DPP6: variants seen among roughly 807,000 people sequenced by gnomAD.
DPP6 encodes the protein A-type potassium channel modulatory protein DPP6.
A neutral mutation model predicts 122.6 loss-of-function variants in DPP6; 69 were observed. The observed-to-expected ratio is 0.56, with a 90% CI of 0.46 to 0.69. DPP6 has a LOEUF of 0.69. Ranked by LOEUF, DPP6 falls within the 30% of genes least tolerant of loss-of-function variation. The probability of loss-of-function intolerance (pLI) is 0.00; values close to 1 mark genes in which losing one functional copy is unlikely to be tolerated. For missense variants in DPP6, 928 were observed against 1,116.9 expected, an observed-to-expected ratio of 0.83 and a Z score of 2.41; for synonymous variants, 418 against 433.1, an observed-to-expected ratio of 0.97 and a Z score of 0.43.
At chr7:154,668,484 G>A (rs970971488) in intron 6 of DPP6, among the ~76,000 whole-genome samples, 2 of 151,804 alleles carry the variant, frequency 1.3e-5, no homozygotes, top group Non-Finnish European at 2.9e-5. Context: ...CTCCCAAAGT[G>A]CTGGGATTAC....
chr7:153,950,108 G>A (rs1201973611), intron 1 of DPP6, among the ~76,000 whole-genome samples: 1 of 152,196 alleles, frequency 6.6e-6, no homozygotes, highest in Non-Finnish European at 1.5e-5. Context: ...GGGATCATTA[G>A]GCTCAGCCTC....
At chr7:154,201,665 T>A (rs1799180435) in intron 1 of DPP6, among the ~76,000 whole-genome samples, 1 of 152,200 alleles carries the variant, frequency 6.6e-6, no homozygotes, top group African/African-American at 2.4e-5. Context: ...CTAGTGTATG[T>A]GTAAGGTACA....
the DPP6 span, among the ~76,000 whole-genome samples, chr7:153,795,424 G>T: frequency 6.6e-6 from 1 of 152,120 alleles, no homozygotes; most frequent in Non-Finnish European, 1.5e-5. Context: ...AATAAAGAAA[G>T]AAAGAATAGA....
At chr7:154,060,456 T>TTCC (rs1278252857) in intron 1 of DPP6, among the ~76,000 whole-genome samples, 1 of 137,382 alleles carries the variant, frequency 7.3e-6, no homozygotes, top group East Asian at 2.1e-4. Context: ...CCAGACCCTC[T>TTCC]TCCCCCTCTG....
At chr7:154,433,137 T>TTTG (rs1818569963) in intron 1 of DPP6, among the ~76,000 whole-genome samples, 3 of 6,804 alleles carry the variant, frequency 4.4e-4, no homozygotes, top group Non-Finnish European at 1.0e-3. Context: ...AGACTGCAAG[T>TTTG]TTTTTTTTTT....
chr7:154,828,033 TAA>T (rs1228312610), intron 16 of DPP6, among the ~76,000 whole-genome samples: 1 of 152,168 alleles, frequency 6.6e-6, no homozygotes, highest in African/African-American at 2.4e-5. Flanking sequence ...CCTGTCTTTC[TAA>T]ACGCAGCGCT....
At chr7:154,026,736 C>T (rs1798972276) in intron 1 of DPP6, 1 of 151,684 alleles carries the variant, frequency 6.6e-6, no homozygotes, top group African/African-American at 2.4e-5. Flanking sequence ...CTTTCTCAGT[C>T]CCCCATCAAG....
At chr7:153,991,722 G>C (rs527408265) in intron 1 of DPP6, among the ~76,000 whole-genome samples, 143 of 152,318 alleles carry the variant, frequency 9.4e-4, no homozygotes, top group African/African-American at 3.2e-3. Context: ...ACAGCGGTCT[G>C]TGGGGTATGT....
chr7:154,476,316 C>T (rs1230639127), intron 3 of DPP6, among the ~76,000 whole-genome samples: 2 of 152,206 alleles, frequency 1.3e-5, no homozygotes, highest in African/African-American at 2.4e-5. Context: ...CAAAACAAAA[C>T]AGCACAGAGG....
chr7:154,580,810 T>C (rs868867648), intron 5 of DPP6, among the ~76,000 whole-genome samples: 35 of 152,078 alleles, frequency 2.3e-4, no homozygotes, highest in African/African-American at 7.5e-4. Context: ...GAGGCCGCCA[T>C]GGGAAACACC....
intron 5 of DPP6, among the ~76,000 whole-genome samples, chr7:154,571,291 G>A (rs182287183): frequency 6.6e-6 from 1 of 152,030 alleles, no homozygotes; most frequent in Non-Finnish European, 1.5e-5. Flanking sequence ...AAATCTCTTT[G>A]GGGAGAGGGA....
the DPP6 span, among the ~76,000 whole-genome samples, chr7:153,800,477 T>C: frequency 6.6e-6 from 1 of 152,060 alleles, no homozygotes; most frequent in Non-Finnish European, 1.5e-5. Flanking sequence ...TACAATGAGA[T>C]GAGGGACTAC....
At chr7:154,581,326 G>T (rs1033633317) in intron 5 of DPP6, among the ~76,000 whole-genome samples, 2 of 152,172 alleles carry the variant, frequency 1.3e-5, no homozygotes, top group African/African-American at 4.8e-5. Context: ...GAGGAGATTT[G>T]TGTGGGGAAA....
At chr7:153,782,359 G>A in the DPP6 span, among the ~76,000 whole-genome samples, 2 of 152,100 alleles carry the variant, frequency 1.3e-5, no homozygotes, top group Admixed American at 1.3e-4. Flanking sequence ...TAGAATAACA[G>A]AATCCATTTA....
intron 1 of DPP6, among the ~76,000 whole-genome samples, chr7:154,255,951 C>A (rs758762444): frequency 6.6e-6 from 1 of 152,116 alleles, no homozygotes; most frequent in African/African-American, 2.4e-5. Context: ...GTAATATCTG[C>A]GCTCTTTACC....
At chr7:154,721,973 T>C (rs1841835566) in intron 7 of DPP6, among the ~76,000 whole-genome samples, 1 of 145,226 alleles carries the variant, frequency 6.9e-6, no homozygotes, top group African/African-American at 2.6e-5. Flanking sequence ...AAGACCAGCC[T>C]AGGCAACATA....
intron 5 of DPP6, among the ~76,000 whole-genome samples, chr7:154,628,052 C>A (rs1208963242): frequency 6.6e-6 from 1 of 152,144 alleles, no homozygotes; most frequent in East Asian, 1.9e-4. Flanking sequence ...GAGGTCAGCA[C>A]CTGCTTGCCT....
intron 3 of DPP6, among the ~76,000 whole-genome samples, chr7:154,528,195 A>G (rs1827564610): frequency 6.6e-6 from 1 of 152,052 alleles, no homozygotes; most frequent in African/African-American, 2.4e-5. Flanking sequence ...CCTTTTGGAA[A>G]TTTTCTCCTA....
At chr7:153,884,096 G>GGT (rs1196396482), upstream of DPP6, among the ~76,000 whole-genome samples, 14 of 152,110 alleles carry the variant, frequency 9.2e-5, no homozygotes, top group East Asian at 2.7e-3. Flanking sequence ...GTGCCATGTT[G>GGT]GTGTACTGCA....
Sources: allele counts gnomAD v4.1 joint callset (sites outside exome capture counted in the v4.1 genomes callset), GRCh38; gene constraint gnomAD v4.1.1; transcripts MANE v1.5; gene names NCBI Gene and HGNC (gene_info 2026-07-23, HGNC 2026-07-21).